GNAO1: variants seen among roughly 807,000 people sequenced by gnomAD.
The protein encoded by GNAO1 is G protein subunit alpha o1, also known as guanine nucleotide-binding protein G(o) subunit alpha.
For synonymous variants in GNAO1, 164 were observed against 180.7 expected, an observed-to-expected ratio of 0.91 and a Z score of 0.74; for missense variants, 166 against 478.7, an observed-to-expected ratio of 0.35 and a Z score of 6.10.
intron 2 of GNAO1, among the ~76,000 whole-genome samples, chr16:56,233,325 A>T (rs1457507469): frequency 6.6e-6 from 1 of 152,236 alleles, no homozygotes; most frequent in Non-Finnish European, 1.5e-5. Flanking sequence ...AGCACATAGT[A>T]GGTGCTTAGT....
chr16:56,230,401 A>G (rs10163308), intron 2 of GNAO1, among the ~76,000 whole-genome samples: 1 of 152,168 alleles, frequency 6.6e-6, no homozygotes, highest in South Asian at 2.1e-4. Flanking sequence ...ATCTGGGTGA[A>G]TGGGCCTTCA....
Position 56,196,077 on chromosome 16 carries a change from G to A in GNAO1, c.161+3461G>A, listed in dbSNP as rs529227535. Among the ~76,000 whole-genome samples, 4 of 152,172 alleles carry A rather than the reference G, an allele frequency of 2.6e-5. No homozygotes were observed. In the South Asian group the frequency reaches 8.3e-4, roughly 32 times the overall value. On this transcript the variant is annotated intron_variant, in intron 2 of 8. Transcript: ENST00000262493. ...GAGATACCAGTTTAGAGTGTCATTT[G>A]AAAAGCCTGATTCTCAGTACTTATA...
At chr16:56,293,225 C>T (rs2037249672) in intron 3 of GNAO1, among the ~76,000 whole-genome samples, 1 of 152,262 alleles carries the variant, frequency 6.6e-6, no homozygotes. Flanking sequence ...TGGCATAGTG[C>T]TCAGGTGTGA....
chr16:56,259,825 G>A (rs1433494544), intron 2 of GNAO1, among the ~76,000 whole-genome samples: 2 of 152,220 alleles, frequency 1.3e-5, no homozygotes, highest in Admixed American at 6.5e-5. Flanking sequence ...CCTTCTTAAT[G>A]TGGACATTGT....
chr16:56,221,922 G>A (rs2036492964), intron 2 of GNAO1, among the ~76,000 whole-genome samples: 1 of 152,184 alleles, frequency 6.6e-6, no homozygotes, highest in Non-Finnish European at 1.5e-5. Context: ...GCCAGTAATG[G>A]TGTCTGGAGA....
At position 56,291,596 on chromosome 16, in the gene GNAO1, C is replaced by G. The variant is rs535157446; in HGVS notation, c.303+15524C>G. Among the ~76,000 whole-genome samples, 482 of 152,322 alleles carry G rather than the reference C, an allele frequency of 3.2e-3. 3 individuals carry two copies. Among genetic ancestry groups the G allele is most frequent in the Middle Eastern group, 0.01 (3 of 294 alleles). On this transcript the variant is annotated intron_variant, in intron 3 of 8. Coordinates refer to ENST00000262493, the MANE Select transcript of GNAO1 (RefSeq NM_020988.3). ...GTGCCCTTTGAAGTCTCACCTCATT[C>G]TGCCCTTGCCTCTGCCCCCTTGCCA... is the stretch of plus-strand genomic sequence containing the variant.
chr16:56,213,407 A>G (rs1262002662), intron 2 of GNAO1: 2 of 398,408 alleles, frequency 5.0e-6, no homozygotes, highest in Non-Finnish European at 8.8e-6. Context: ...AGGAAAATAC[A>G]TAGTAGTATT....
At chr16:56,234,770 AG>A (rs2036621739) in intron 2 of GNAO1, among the ~76,000 whole-genome samples, 1 of 152,216 alleles carries the variant, frequency 6.6e-6, no homozygotes, top group South Asian at 2.1e-4. Context: ...TTGGGCATGC[AG>A]GGGGCCCTTT....
At chr16:56,195,839 T>C (rs1156669532) in intron 2 of GNAO1, among the ~76,000 whole-genome samples, 1 of 152,242 alleles carries the variant, frequency 6.6e-6, no homozygotes, top group Non-Finnish European at 1.5e-5. Flanking sequence ...CCATTGAGCC[T>C]GTGTTCTCAT....
In GNAO1 at chr16:56,191,761, G is replaced by A. The variant is rs1567431459; in HGVS notation, c.-475G>A. ...TCCCTCCACATCCCGCGCCGCCGCC[G>A]CCGCCTCCTCCACCTCCTCCTCCGC... On this transcript the variant is annotated 5_prime_UTR_variant, in exon 1 of 9. Transcript: ENST00000262493. This position sits in a 1 kb window ranked among gnomAD's most constrained non-coding sequence, Gnocchi z 4.7. The A allele has an allele frequency of 4.8e-6, 1 of 210,282 alleles. No individual in the cohort carries two copies. The highest frequency in any genetic ancestry group is 9.4e-6 in the Non-Finnish European group (1 of 106,284). The allele number at this position is 210,282 out of a possible 1,614,324, so 13.0% of individuals were successfully genotyped here. A position where few individuals can be genotyped will look rare whatever the true frequency, so the allele number is the denominator to read the frequency against.
At chr16:56,197,232 AG>A (rs2036241367) in intron 2 of GNAO1, among the ~76,000 whole-genome samples, 1 of 152,238 alleles carries the variant, frequency 6.6e-6, no homozygotes, top group South Asian at 2.1e-4. Context: ...ACGTTGGGTT[AG>A]TATTCTACTG....
rs191425092 is a variant in GNAO1 at position 56,272,872 on chromosome 16, C to G, written c.162-3059C>G. 4.6e-4 allele frequency among the ~76,000 whole-genome samples: 70 copies of G among 152,230 alleles called. 1 individual carries two copies. The highest frequency in any genetic ancestry group is 1.6e-3 in the African/African-American group (65 of 41,528). The stretch of plus-strand genomic sequence containing the variant: ...GGAGAGTGGTAGGGTCTGCTGGTCC[C>G]AAATGAAGCATGAGAAACTCAATGC... On this transcript the variant is annotated intron_variant, in intron 2 of 8. Coordinates refer to ENST00000262493, the MANE Select transcript of GNAO1 (RefSeq NM_020988.3).
chr16:56,236,537 C>G (rs1365515770), intron 2 of GNAO1, among the ~76,000 whole-genome samples: 1 of 152,112 alleles, frequency 6.6e-6, no homozygotes, highest in Non-Finnish European at 1.5e-5. Flanking sequence ...TTCATATTGG[C>G]CAACATCAGA....
At chr16:56,213,820 A>G (rs1307393882) in intron 2 of GNAO1, among the ~76,000 whole-genome samples, 2 of 149,708 alleles carry the variant, frequency 1.3e-5, no homozygotes, top group African/African-American at 5.0e-5. Flanking sequence ...GGAGGTTTAT[A>G]TGTCTGGAGT....
chr16:56,325,313 C>T (rs1167507878), intron 3 of GNAO1, among the ~76,000 whole-genome samples: 1 of 152,170 alleles, frequency 6.6e-6, no homozygotes, highest in Non-Finnish European at 1.5e-5. Flanking sequence ...CCCATCTCTA[C>T]TAAAAGTACA....
intron 6 of GNAO1, chr16:56,343,673 G>A (rs759404130): frequency 1.9e-5 from 20 of 1,027,686 alleles, no homozygotes; most frequent in Non-Finnish European, 2.9e-5. Context: ...GCCCAAGGCC[G>A]GATGGCCACA....
chr16:56,328,805 C>T lies in GNAO1; in HGVS notation c.464+14C>T, dbSNP rs745893559. On this transcript the variant is annotated intron_variant, in intron 4 of 8. Coordinates refer to ENST00000262493, the MANE Select transcript of GNAO1 (RefSeq NM_020988.3). ...CTCTGCCAAATAGTGAGTGTCCCAG[C>T]GGGCGCATGGCCTGGAGCCGGGCAG... 3.7e-6 allele frequency: 6 copies of T among 1,612,892 alleles called. No homozygotes were observed. The highest frequency in any genetic ancestry group is 1.7e-5 in the Admixed American group (1 of 60,006).
chr16:56,207,620 A>G (rs2036342808), intron 2 of GNAO1, among the ~76,000 whole-genome samples: 1 of 152,180 alleles, frequency 6.6e-6, no homozygotes. Context: ...TTATTCAGCA[A>G]ATATTTATTG....
chr16:56,297,462 G>A (rs575442432), intron 3 of GNAO1, among the ~76,000 whole-genome samples: 1 of 151,730 alleles, frequency 6.6e-6, no homozygotes, highest in South Asian at 2.1e-4. Context: ...CCTGTTTTCT[G>A]TGCGCACAGC....
Sources: allele counts gnomAD v4.1 joint callset (sites outside exome capture counted in the v4.1 genomes callset), GRCh38; gene constraint gnomAD v4.1.1; non-coding constraint Gnocchi (gnomAD v3.1); transcripts MANE v1.5; gene names NCBI Gene and HGNC (gene_info 2026-07-23, HGNC 2026-07-21).